KLHL4: variants seen among roughly 807,000 people sequenced by gnomAD.
The protein encoded by KLHL4 is kelch-like protein 4.
A neutral mutation model predicts 45.8 loss-of-function variants in KLHL4; 17 were observed. The observed-to-expected ratio is 0.37, with a 90% CI of 0.25 to 0.56. The LOEUF (loss-of-function observed/expected upper bound fraction) is 0.56. Ranked by LOEUF, KLHL4 falls within the 20% of genes least tolerant of loss-of-function variation. The probability of loss-of-function intolerance (pLI) is 0.79; values close to 1 mark genes in which losing one functional copy is unlikely to be tolerated. For synonymous variants in KLHL4, 224 were observed against 189.9 expected (o/e 1.18, Z -1.47); for missense variants, 544 against 544.9 (o/e 1.00, Z 0.02).
In KLHL4 at chrX:87,635,715, T is replaced by C. The variant is rs771555376; in HGVS notation, c.1865T>C (p.Val622Ala). 2.5e-6 allele frequency: 3 copies of C among 1,205,655 alleles called. No homozygotes were observed. The highest frequency in any genetic ancestry group is 3.6e-5 in the South Asian group (2 of 55,723). ...ACATACAATGGATTCTTATATGTTG[T>C]AGGGGGGCATGATGCCCCTGCTTCC... ...VATYNGFLYV[V>A]GGHDAPASNH... The change falls in exon 9 of 11, where the codon GTA becomes GCA. Residue 622 changes from valine to alanine, a missense_variant. Transcript: ENST00000373119.
At chrX:87,556,900 C>G (rs1602415515) in intron 1 of KLHL4, among the ~76,000 whole-genome samples, 1 of 110,539 alleles carries the variant, frequency 9.0e-6, no homozygotes, top group Non-Finnish European at 1.9e-5. Flanking sequence ...GCCAGGTATT[C>G]AAAAAGGAAG....
At position 87,518,121 on chromosome X, in the gene KLHL4, A is replaced by G; in HGVS notation, c.228A>G (p.Pro76=). The change falls in exon 1 of 11, where the codon CCA becomes CCG. Residue 76 remains proline (P), a synonymous_variant. Transcript: ENST00000373119. ...CTGTCCACCACAATATACTGGCACCAGTGCCAGGACCGGCCCCTGCCCATC... is the reference window on the plus strand; with the variant it reads ...CTGTCCACCACAATATACTGGCACCGGTGCCAGGACCGGCCCCTGCCCATC... ...NSPVHHNILA[P]VPGPAPAHQR... is the part of the protein sequence containing the mutation. The G allele has an allele frequency of 8.3e-7, 1 of 1,211,325 alleles. No individual in the cohort carries two copies. Among genetic ancestry groups the G allele is most frequent in the Non-Finnish European group, 1.1e-6 (1 of 894,859 alleles).
chrX:87,569,053 A>C (rs1932279278), intron 1 of KLHL4, among the ~76,000 whole-genome samples: 1 of 111,481 alleles, frequency 9.0e-6, no homozygotes, highest in South Asian at 3.7e-4. Context: ...AAAGGGGGAA[A>C]AACATGTGCA....
At chrX:87,534,461 G>A (rs1406166373) in intron 1 of KLHL4, among the ~76,000 whole-genome samples, 2 of 110,994 alleles carry the variant, frequency 1.8e-5, no homozygotes, top group African/African-American at 6.5e-5. Flanking sequence ...TATTGATAAT[G>A]GTAAATTTGA....
rs1339767750 is a variant in KLHL4 at position 87,618,001 on chromosome X, A to G, written c.797A>G (p.Gln266Arg). 8.3e-7 allele frequency: 1 copy of G among 1,209,148 alleles called. No individual in the cohort carries two copies. Among genetic ancestry groups the G allele is most frequent in the East Asian group, 3.0e-5 (1 of 33,753 alleles). The change falls in exon 4 of 11, where the codon CAG (glutamine) becomes CGG (arginine). Residue 266 changes from glutamine (Q) to arginine (R), a missense_variant. Coordinates refer to ENST00000373119, the MANE Select transcript of KLHL4 (RefSeq NM_019117.5). ...GCAGCTTGTCTTCTGCAGCTGACTC[A>G]GGTCATTGATGTTTGCTCCAATTTT... ...LAAACLLQLT[Q>R]VIDVCSNFLI...
chrX:87,630,836 G>A (rs1181185374), intron 6 of KLHL4, among the ~76,000 whole-genome samples: 1 of 111,864 alleles, frequency 8.9e-6, no homozygotes. Context: ...ACTGAAGCAG[G>A]TTCATTGTCT....
At chrX:87,624,182 T>G (rs183076649) in intron 5 of KLHL4, among the ~76,000 whole-genome samples, 1 of 112,173 alleles carries the variant, frequency 8.9e-6, no homozygotes, top group East Asian at 2.8e-4. Context: ...TGGAGGGAAA[T>G]TTCTAGCCCA....
At chrX:87,580,935 G>A (rs1037313651) in intron 1 of KLHL4, among the ~76,000 whole-genome samples, 3 of 111,948 alleles carry the variant, frequency 2.7e-5, no homozygotes, top group Non-Finnish European at 3.8e-5. Context: ...GTATTCTATA[G>A]ACAGAGCTCT....
At position 87,547,307 on chromosome X, in the gene KLHL4, C is replaced by T. The variant is rs189557049; in HGVS notation, c.422+28992C>T. Reference sequence around the variant, plus strand: ...AGATCTGATTGTTTTATAAGTGGCTCTTCCCCCTTTGCTTCTTAAACGTGT... The same window carrying T: ...AGATCTGATTGTTTTATAAGTGGCTTTTCCCCCTTTGCTTCTTAAACGTGT... On this transcript the variant is annotated intron_variant, in intron 1 of 10. Transcript: ENST00000373119. Among the ~76,000 whole-genome samples, 49 of 110,988 alleles carry T rather than the reference C, an allele frequency of 4.4e-4. No individual in the cohort carries two copies. In the East Asian group the frequency reaches 0.013, roughly 30 times the overall value.
chrX:87,551,608 T>TAGATAGAA (rs761675267), intron 1 of KLHL4, among the ~76,000 whole-genome samples: 14 of 107,147 alleles, frequency 1.3e-4, no homozygotes, highest in African/African-American at 4.1e-4. Context: ...GATAGATAGA[T>TAGATAGAA]AGAAATAGAA....
At position 87,632,448 on chromosome X, in the gene KLHL4, G is replaced by C; in HGVS notation, c.1549+14G>C. ...GGCACGGCTTAGGTAAGAGCTTAACGTAATGTATTTTTCAAGAATGTATAG... is the reference window on the plus strand; with the variant it reads ...GGCACGGCTTAGGTAAGAGCTTAACCTAATGTATTTTTCAAGAATGTATAG... On this transcript the variant is annotated intron_variant, in intron 7 of 10. Coordinates refer to ENST00000373119, the MANE Select transcript of KLHL4 (RefSeq NM_019117.5). 9.1e-7 allele frequency: 1 copy of C among 1,096,275 alleles called. No homozygotes were observed. The highest frequency in any genetic ancestry group is 1.2e-6 in the Non-Finnish European group (1 of 801,543). 90.3% of individuals were successfully genotyped at this position (1,096,275 alleles called of 1,213,427 possible). A position where few individuals can be genotyped will look rare whatever the true frequency, so the allele number is the denominator to read the frequency against.
intron 6 of KLHL4, among the ~76,000 whole-genome samples, chrX:87,626,768 G>C (rs2206789): frequency 9.0e-6 from 1 of 111,346 alleles, no homozygotes; most frequent in Admixed American, 9.6e-5. Flanking sequence ...GGGGTCCCAA[G>C]ACTTATTTTC....
intron 1 of KLHL4, among the ~76,000 whole-genome samples, chrX:87,567,635 G>A (rs950188761): frequency 8.9e-6 from 1 of 111,997 alleles, no homozygotes; most frequent in Non-Finnish European, 1.9e-5. Context: ...TAAAAAGAAT[G>A]GAAATCATGT....
intron 7 of KLHL4, 80 bp downstream of exon 7, chrX:87,632,514 T>G (rs1923130354): frequency 1.6e-6 from 1 of 641,623 alleles, no homozygotes; most frequent in African/African-American, 2.2e-5. Context: ...AGCACATTAT[T>G]GGGATTTAGC....
At chrX:87,658,047 C>T (rs1407617328) in intron 9 of KLHL4, among the ~76,000 whole-genome samples, 1 of 112,195 alleles carries the variant, frequency 8.9e-6, no homozygotes, top group Non-Finnish European at 1.9e-5. Context: ...CACCACCCTG[C>T]AGAGCTCCCT....
At chrX:87,530,075 C>G (rs1931216313) in intron 1 of KLHL4, among the ~76,000 whole-genome samples, 1 of 110,808 alleles carries the variant, frequency 9.0e-6, no homozygotes, top group African/African-American at 3.3e-5. Context: ...TGTAGGTTGC[C>G]TGTTCACTCT....
At chrX:87,652,042 C>A (rs977002300) in intron 9 of KLHL4, among the ~76,000 whole-genome samples, 1 of 112,680 alleles carries the variant, frequency 8.9e-6, no homozygotes, top group African/African-American at 3.2e-5. Context: ...CTTATGTGCA[C>A]TTGCAGGCTC....
At chrX:87,654,880 A>G (rs767287419) in intron 9 of KLHL4, among the ~76,000 whole-genome samples, 30 of 111,346 alleles carry the variant, frequency 2.7e-4, no homozygotes, top group South Asian at 7.4e-4. Flanking sequence ...TTTAATTCAC[A>G]TTTTTCTCAT....
At chrX:87,655,682 A>G (rs974924455) in intron 9 of KLHL4, among the ~76,000 whole-genome samples, 1 of 111,367 alleles carries the variant, frequency 9.0e-6, no homozygotes, top group Non-Finnish European at 1.9e-5. Context: ...ATATACAGTC[A>G]TGGTTAATAT....
Sources: gnomAD v4.1 joint callset for allele counts (sites outside exome capture counted in the v4.1 genomes callset) on GRCh38, gnomAD v4.1.1 for gene constraint, MANE v1.5 for transcripts, NCBI Gene and HGNC (gene_info 2026-07-23, HGNC 2026-07-21) for gene names.